Variants in RANBP2 observed in about 807,000 individuals in gnomAD.
RANBP2 encodes RAN binding protein 2.
RANBP2 carries 57 observed loss-of-function variants against 303.6 expected under a neutral mutation model. That is an observed-to-expected ratio of 0.19 (90% confidence interval 0.15 to 0.23). RANBP2 has a LOEUF of 0.23. RANBP2 is among the 10% of genes least tolerant of loss of function. RANBP2 has a pLI of 1.00. For missense variants in RANBP2, 3,138 were observed against 3,780.8 expected (o/e 0.83, Z 4.46); for synonymous variants, 1,167 against 1,301.5 (o/e 0.90, Z 2.23).
At chr2:109,400,588 C>CA in the RANBP2 span, among the ~76,000 whole-genome samples, 1 of 152,052 alleles carries the variant, frequency 6.6e-6, no homozygotes, top group South Asian at 2.1e-4. Context: ...CACACACACA[C>CA]ACTTGTGAAC....
the RANBP2 span, chr2:109,574,483 A>C: frequency 1.6e-6 from 1 of 637,644 alleles, no homozygotes; most frequent in Non-Finnish European, 2.2e-6. Context: ...AAAGATGCAC[A>C]GGATAAAAGT....
chr2:108,871,533 C>G, the RANBP2 span, among the ~76,000 whole-genome samples: 1 of 151,952 alleles, frequency 6.6e-6, no homozygotes, highest in Admixed American at 6.6e-5. Context: ...GCCTGGGCAA[C>G]AAAGCAAGAC....
At chr2:108,933,003 A>G in the RANBP2 span, among the ~76,000 whole-genome samples, 1 of 152,166 alleles carries the variant, frequency 6.6e-6, no homozygotes, top group African/African-American at 2.4e-5. Flanking sequence ...GGGTGGGCAG[A>G]ATCCTGGCAG....
chr2:109,490,325 C>T, the RANBP2 span, among the ~76,000 whole-genome samples: 6 of 152,066 alleles, frequency 3.9e-5, no homozygotes, highest in East Asian at 1.9e-4. Flanking sequence ...TTTGGTGTCC[C>T]GAAGCTCCAG....
the RANBP2 span, among the ~76,000 whole-genome samples, chr2:109,633,394 A>AAAAAC: frequency 0.043 from 6,540 of 150,826 alleles, 164 homozygotes; most frequent in South Asian, 0.073. Flanking sequence ...CTCCATCTCA[A>AAAAAC]AAAACAAAAC....
At chr2:108,952,545 C>T in the RANBP2 span, among the ~76,000 whole-genome samples, 222 of 152,316 alleles carry the variant, frequency 1.5e-3, no homozygotes, top group Admixed American at 3.7e-3. Flanking sequence ...ATACTTTTCA[C>T]TTCTAGGATT....
chr2:108,902,593 C>A, the RANBP2 span, among the ~76,000 whole-genome samples: 1 of 152,080 alleles, frequency 6.6e-6, no homozygotes, highest in Non-Finnish European at 1.5e-5. Flanking sequence ...AAACCACAAA[C>A]CAAAGACCAA....
the RANBP2 span, among the ~76,000 whole-genome samples, chr2:109,522,653 G>A: frequency 2.0e-5 from 3 of 150,218 alleles, no homozygotes; most frequent in Admixed American, 6.6e-5. Flanking sequence ...CAATCCTCCC[G>A]CCTCGGCCTC....
At chr2:109,480,827 A>G in the RANBP2 span, among the ~76,000 whole-genome samples, 1 of 152,044 alleles carries the variant, frequency 6.6e-6, no homozygotes, top group Non-Finnish European at 1.5e-5. Flanking sequence ...CTGGGACCTC[A>G]TGGAGGGCGG....
chr2:109,130,173 G>C, the RANBP2 span: 2 of 1,242,986 alleles, frequency 1.6e-6, no homozygotes, highest in African/African-American at 3.1e-5. Flanking sequence ...GTGGGTGCTT[G>C]GGCGTGGGGG....
At chr2:109,415,397 G>A in the RANBP2 span, among the ~76,000 whole-genome samples, 1 of 152,186 alleles carries the variant, frequency 6.6e-6, no homozygotes, top group African/African-American at 2.4e-5. Flanking sequence ...CATTGTTCCA[G>A]GGGGAGTGCT....
the RANBP2 span, among the ~76,000 whole-genome samples, chr2:108,797,346 A>G: frequency 6.6e-6 from 1 of 152,190 alleles, no homozygotes; most frequent in African/African-American, 2.4e-5. Flanking sequence ...AAGTTGGAGG[A>G]AAGAGACGGC....
At chr2:109,104,411 G>A in the RANBP2 span, among the ~76,000 whole-genome samples, 1 of 151,608 alleles carries the variant, frequency 6.6e-6, no homozygotes, top group Non-Finnish European at 1.5e-5. Context: ...AGGTTTCTTT[G>A]GGTCTTTTTG....
At chr2:109,020,017 G>A in the RANBP2 span, among the ~76,000 whole-genome samples, 9 of 152,222 alleles carry the variant, frequency 5.9e-5, no homozygotes, top group Non-Finnish European at 1.2e-4. Flanking sequence ...GAAGTTTCGG[G>A]GCAGTGTGTT....
At chr2:108,891,734 A>G in the RANBP2 span, among the ~76,000 whole-genome samples, 15 of 152,056 alleles carry the variant, frequency 9.9e-5, no homozygotes, top group Non-Finnish European at 1.6e-4. Flanking sequence ...CTGGCATAGC[A>G]TGAGCAATGG....
In RANBP2 at chr2:108,767,668, G is replaced by A. The variant is rs1573820858; in HGVS notation, c.7129G>A (p.Val2377Ile). The change falls in exon 20 of 29, where the codon GTA (valine) becomes ATA (isoleucine). Residue 2377 changes from valine to isoleucine, a missense_variant. This residue lies in a region of RANBP2 where 92 missense variants were observed against 211.0 expected (regional missense o/e 0.44). Transcript: ENST00000283195. ...TCGTATAGTGATGAGAAGGGACCAAGTATTAAAACTTTGTGCCAATCACAG... is the reference window on the plus strand; with the variant it reads ...TCGTATAGTGATGAGAAGGGACCAAATATTAAAACTTTGTGCCAATCACAG... ...QVRIVMRRDQVLKLCANHRIT... is the reference protein window; with the variant it reads ...QVRIVMRRDQILKLCANHRIT... The A allele has an allele frequency of 5.0e-6, 8 of 1,611,980 alleles. No individual in the cohort carries two copies. The highest frequency in any genetic ancestry group is 1.3e-5 in the African/African-American group (1 of 74,964).
At chr2:108,848,197 CATTAT>C in the RANBP2 span, among the ~76,000 whole-genome samples, 1 of 152,136 alleles carries the variant, frequency 6.6e-6, no homozygotes. Flanking sequence ...TGTCAACATA[CATTAT>C]ATCATTTAAT....
the RANBP2 span, among the ~76,000 whole-genome samples, chr2:109,031,936 CTT>C: frequency 6.4e-5 from 9 of 139,766 alleles, no homozygotes; most frequent in Non-Finnish European, 7.7e-5. Flanking sequence ...CGTTCACTCT[CTT>C]TGACCTTTTG....
the RANBP2 span, among the ~76,000 whole-genome samples, chr2:109,291,975 T>C: frequency 6.6e-6 from 1 of 152,242 alleles, no homozygotes; most frequent in Non-Finnish European, 1.5e-5. Context: ...GCCATTCTTA[T>C]GCCTCAGCCT....
Sources: allele counts gnomAD v4.1 joint callset (sites outside exome capture counted in the v4.1 genomes callset), GRCh38; gene constraint gnomAD v4.1.1; regional missense constraint gnomAD v4.1.1; transcripts MANE v1.5; gene names NCBI Gene and HGNC (gene_info 2026-07-23, HGNC 2026-07-21).